CAMK1D: variants seen among roughly 807,000 people sequenced by gnomAD.
CAMK1D encodes the protein calcium/calmodulin dependent protein kinase ID, also known as calcium/calmodulin-dependent protein kinase type 1D.
In CAMK1D, 9 loss-of-function variants were observed where a neutral mutation model predicts 47.7. The ratio of observed to expected loss-of-function variants is 0.19; its 90% CI spans 0.11 to 0.33. The LOEUF is 0.33. Among genes scored for constraint, CAMK1D ranks in the 10% least tolerant of loss-of-function variants. The pLI, the probability that CAMK1D is intolerant of heterozygous loss-of-function variation, is 1.00. For missense variants in CAMK1D, 291 were observed against 488.7 expected (o/e 0.60, Z 3.81); for synonymous variants, 184 against 184.9 (o/e 0.99, Z 0.04).
Position 12,810,130 on chromosome 10 carries a change from C to T in CAMK1D, c.642-4065C>T, listed in dbSNP as rs567173217. Among the ~76,000 whole-genome samples the T allele has an allele frequency of 1.1e-4, 14 of 126,992 alleles. No homozygotes were observed. The East Asian group carries it at 3.6e-3, about 32-fold the overall frequency. 83.3% of individuals were successfully genotyped at this position (126,992 alleles called of 152,430 possible). On this transcript the variant is annotated intron_variant, in intron 6 of 10. Transcript: ENST00000619168. Reference sequence around the variant, plus strand: ...CACCTCTGCATTCCAGTCTGGGTGACAGAGAGAGACCCTGTCTCATTAAAA... The same window carrying T: ...CACCTCTGCATTCCAGTCTGGGTGATAGAGAGAGACCCTGTCTCATTAAAA...
At chr10:12,458,888 T>TC (rs1166931070) in intron 1 of CAMK1D, among the ~76,000 whole-genome samples, 3 of 150,878 alleles carry the variant, frequency 2.0e-5, no homozygotes, top group Non-Finnish European at 4.4e-5. Context: ...TCCTTTTTTT[T>TC]TTTTTTTTGA....
chr10:12,355,471 T>C (rs908256687), intron 1 of CAMK1D, among the ~76,000 whole-genome samples: 3 of 151,778 alleles, frequency 2.0e-5, no homozygotes, highest in Non-Finnish European at 4.4e-5. Context: ...CGTGTGTGTG[T>C]GTGTGCGCGC....
intron 1 of CAMK1D, among the ~76,000 whole-genome samples, chr10:12,491,495 GTGGGTGGA>G (rs1834382269): frequency 6.6e-6 from 1 of 152,078 alleles, no homozygotes; most frequent in African/African-American, 2.4e-5. Flanking sequence ...TTGTGAGGGG[GTGGGTGGA>G]TGGGAATTTC....
At chr10:12,406,222 C>T (rs1378566580) in intron 1 of CAMK1D, among the ~76,000 whole-genome samples, 1 of 152,074 alleles carries the variant, frequency 6.6e-6, no homozygotes, top group Non-Finnish European at 1.5e-5. Flanking sequence ...TGACTCCTAC[C>T]CCGTGGAAGT....
intron 1 of CAMK1D, among the ~76,000 whole-genome samples, chr10:12,400,733 A>T (rs1839145337): frequency 1.3e-5 from 2 of 151,976 alleles, no homozygotes. Flanking sequence ...GGAGACTTAC[A>T]ACTGTACCAG....
intron 2 of CAMK1D, among the ~76,000 whole-genome samples, chr10:12,565,488 A>G (rs1417356969): frequency 1.3e-5 from 2 of 152,188 alleles, no homozygotes; most frequent in Non-Finnish European, 2.9e-5. Flanking sequence ...TCCTGACCTC[A>G]GATGATCTGC....
rs568194508 is a variant in CAMK1D at position 12,561,262 on chromosome 10, G to C, written c.224+7906G>C. On this transcript the variant is annotated intron_variant, in intron 2 of 10. Coordinates refer to ENST00000619168, the MANE Select transcript of CAMK1D (RefSeq NM_153498.4). ...TTTGAGGGATGCAGTAAGTTATTTA[G>C]TGATGGTGGTGGCGGTGGTGTGCGT... Among the ~76,000 whole-genome samples, 4 of 152,218 alleles carry C rather than the reference G, an allele frequency of 2.6e-5. No individual in the cohort carries two copies. In the East Asian group the frequency reaches 7.7e-4, roughly 29 times the overall value.
chr10:12,524,872 A>T (rs1219411337), intron 1 of CAMK1D, among the ~76,000 whole-genome samples: 1 of 152,084 alleles, frequency 6.6e-6, no homozygotes, highest in Non-Finnish European at 1.5e-5. Flanking sequence ...TTTTCCTTCC[A>T]CCTGAAGCAT....
chr10:12,666,702 A>C, intron 2 of CAMK1D, 34 bp from the exon 3 acceptor site: 1 of 1,518,718 alleles, frequency 6.6e-7, no homozygotes, highest in Non-Finnish European at 9.1e-7. Context: ...ATCTAATCAT[A>C]CTCACTATTT....
At chr10:12,533,587 A>T (rs1288920617) in intron 1 of CAMK1D, among the ~76,000 whole-genome samples, 1 of 152,202 alleles carries the variant, frequency 6.6e-6, no homozygotes, top group Non-Finnish European at 1.5e-5. Context: ...TGCCATTATT[A>T]TAATGGCTCT....
intron 1 of CAMK1D, among the ~76,000 whole-genome samples, chr10:12,495,172 T>C (rs1834499137): frequency 6.6e-6 from 1 of 152,214 alleles, no homozygotes; most frequent in African/African-American, 2.4e-5. Context: ...AAGCACATCT[T>C]GTCATTGTTG....
At chr10:12,824,806 C>T (rs1347775554) in intron 9 of CAMK1D, among the ~76,000 whole-genome samples, 1 of 152,174 alleles carries the variant, frequency 6.6e-6, no homozygotes, top group African/African-American at 2.4e-5. Context: ...CAACATCACC[C>T]TTGTCTTTCT....
chr10:12,690,396 C>G (rs1832831772), intron 3 of CAMK1D, among the ~76,000 whole-genome samples: 1 of 152,112 alleles, frequency 6.6e-6, no homozygotes, highest in Admixed American at 6.5e-5. Context: ...AACAGAAGCA[C>G]AGCCTGTAGA....
intron 2 of CAMK1D, among the ~76,000 whole-genome samples, chr10:12,566,703 C>T (rs1837135916): frequency 6.6e-6 from 1 of 152,208 alleles, no homozygotes; most frequent in Admixed American, 6.5e-5. Flanking sequence ...TCCACATAAC[C>T]ATACTTGCAG....
At chr10:12,538,073 T>C (rs1468027309) in intron 1 of CAMK1D, among the ~76,000 whole-genome samples, 1 of 152,188 alleles carries the variant, frequency 6.6e-6, no homozygotes, top group African/African-American at 2.4e-5. Context: ...TAAAATGTAC[T>C]CTCTGATCTT....
chr10:12,705,386 G>C (rs190032637), intron 3 of CAMK1D, among the ~76,000 whole-genome samples: 1 of 151,952 alleles, frequency 6.6e-6, no homozygotes, highest in Admixed American at 6.6e-5. Flanking sequence ...ACTTGAACCC[G>C]GGGGTCAGAG....
intron 2 of CAMK1D, among the ~76,000 whole-genome samples, chr10:12,625,023 T>TCC (rs1554799287): frequency 6.7e-6 from 1 of 148,890 alleles, no homozygotes; most frequent in African/African-American, 2.5e-5. Flanking sequence ...CTCCTCCTCC[T>TCC]TTCTTCTTCT....
chr10:12,518,154 C>T (rs189532740), intron 1 of CAMK1D, among the ~76,000 whole-genome samples: 176 of 152,238 alleles, frequency 1.2e-3, no homozygotes, highest in Middle Eastern at 0.01. Context: ...ATCTAAGCTA[C>T]GCAAAGCTAA....
rs546603199 is a variant in CAMK1D at position 12,361,815 on chromosome 10, C to G, written c.92+11905C>G. 2.8e-4 allele frequency among the ~76,000 whole-genome samples: 42 copies of G among 152,198 alleles called. No homozygotes were observed. The East Asian group carries it at 5.4e-3, about 20-fold the overall frequency. ...AAATGACCCACCCGTCTTGGCCTCCCAAAGTGCTCGGATTACAGGTGTGAG... is the reference window on the plus strand; with the variant it reads ...AAATGACCCACCCGTCTTGGCCTCCGAAAGTGCTCGGATTACAGGTGTGAG... On this transcript the variant is annotated intron_variant, in intron 1 of 10. Transcript: ENST00000619168.
Sources: gnomAD v4.1 joint callset for allele counts (sites outside exome capture counted in the v4.1 genomes callset) on GRCh38, gnomAD v4.1.1 for gene constraint, MANE v1.5 for transcripts, NCBI Gene and HGNC (gene_info 2026-07-23, HGNC 2026-07-21) for gene names.